The following MAPK10 variants were observed in gnomAD, a reference collection of about 807,000 sequenced individuals.
The protein encoded by MAPK10 is JNK3 alpha protein kinase.
MAPK10 carries 25 observed loss-of-function variants against 59.3 expected under a neutral mutation model. The ratio of observed to expected loss-of-function variants is 0.42; its 90% CI spans 0.31 to 0.59. The LOEUF (loss-of-function observed/expected upper bound fraction) is 0.59. MAPK10 is among the 20% of genes least tolerant of loss of function. The probability of loss-of-function intolerance (pLI) is 0.15; values close to 1 mark genes in which losing one functional copy is unlikely to be tolerated. For synonymous variants in MAPK10, 190 were observed against 200.5 expected, an observed-to-expected ratio of 0.95 and a Z score of 0.44; for missense variants, 351 against 568.9, an observed-to-expected ratio of 0.62 and a Z score of 3.90.
intron 1 of MAPK10, among the ~76,000 whole-genome samples, chr4:86,459,460 T>C (rs1463152296): frequency 2.0e-5 from 3 of 152,212 alleles, no homozygotes; most frequent in African/African-American, 7.2e-5. Flanking sequence ...CACATGTTTA[T>C]AGCAGCACAA....
chr4:86,091,194 A>G (rs2053058332), intron 9 of MAPK10: 1 of 151,774 alleles, frequency 6.6e-6, no homozygotes, highest in South Asian at 2.1e-4. Flanking sequence ...ATTAAATAAT[A>G]TATTAAAATT....
At chr4:86,483,575 G>A (rs1207672270) in intron 1 of MAPK10, among the ~76,000 whole-genome samples, 1 of 151,570 alleles carries the variant, frequency 6.6e-6, no homozygotes, top group Non-Finnish European at 1.5e-5. Flanking sequence ...TTATTAAAAT[G>A]GAATATATAA....
At chr4:86,093,051 G>A (rs1362838346) in intron 9 of MAPK10, among the ~76,000 whole-genome samples, 1 of 151,960 alleles carries the variant, frequency 6.6e-6, no homozygotes, top group Admixed American at 6.6e-5. Flanking sequence ...TCAGAAATTA[G>A]CTTATAATAA....
chr4:86,075,444 T>C (rs374820566), intron 9 of MAPK10, among the ~76,000 whole-genome samples: 5,213 of 151,728 alleles, frequency 0.034, 129 homozygotes, highest in Middle Eastern at 0.083. Context: ...TGAGGAACTG[T>C]GTTCCTTTGG....
chr4:86,558,988 C>T (rs1055852929), intron 1 of MAPK10, among the ~76,000 whole-genome samples: 1 of 152,030 alleles, frequency 6.6e-6, no homozygotes, highest in East Asian at 1.9e-4. Flanking sequence ...CTTGTTCAGG[C>T]TTGTGTTCTT....
chr4:86,435,431 A>C (rs1748593724), intron 1 of MAPK10, among the ~76,000 whole-genome samples: 1 of 151,902 alleles, frequency 6.6e-6, no homozygotes, highest in Non-Finnish European at 1.5e-5. Flanking sequence ...CAGGAGGCAG[A>C]GGTTGCAGTG....
At chr4:86,490,317 T>C (rs1754362240) in intron 1 of MAPK10, among the ~76,000 whole-genome samples, 1 of 152,098 alleles carries the variant, frequency 6.6e-6, no homozygotes, top group Non-Finnish European at 1.5e-5. Flanking sequence ...GAGAAAGAAT[T>C]GAGCAAGCTT....
chr4:86,229,088 G>A (rs1434963245), intron 2 of MAPK10, among the ~76,000 whole-genome samples: 1 of 152,062 alleles, frequency 6.6e-6, no homozygotes, highest in African/African-American at 2.4e-5. Flanking sequence ...GGCAACTAAA[G>A]GTTGCCCAGC....
intron 2 of MAPK10, among the ~76,000 whole-genome samples, chr4:86,227,412 G>A (rs2090821548): frequency 6.6e-6 from 1 of 151,320 alleles, no homozygotes; most frequent in South Asian, 2.1e-4. Flanking sequence ...GCGTGAACCC[G>A]GGAGGTGGAG....
rs564640104 is a variant in MAPK10, at chr4:86,444,550, A to G, written c.-122+8480T>C. ...AAAATCACCAAAAGCAAGTGTAACA[A>G]AAGCAAAAATTGATAAATGGGTTCT... On this transcript the variant is annotated intron_variant, in intron 1 of 13. Coordinates refer to the MAPK10 transcript ENST00000361569. Among the ~76,000 whole-genome samples, 3 of 152,282 alleles carry G rather than the reference A, an allele frequency of 2.0e-5. 1 individual carries two copies. The South Asian group carries it at 6.2e-4, about 32-fold the overall frequency.
intron 1 of MAPK10, among the ~76,000 whole-genome samples, chr4:86,535,306 T>G (rs953853022): frequency 6.6e-6 from 1 of 152,164 alleles, no homozygotes; most frequent in African/African-American, 2.4e-5. Context: ...GCCTGGACAG[T>G]TTTAACAATT....
At chr4:86,330,896 CTTG>C (rs2096137121) in intron 2 of MAPK10, among the ~76,000 whole-genome samples, 2 of 152,088 alleles carry the variant, frequency 1.3e-5, no homozygotes, top group South Asian at 2.1e-4. Flanking sequence ...GTTCAACATA[CTTG>C]TTGGCGTTCT....
At chr4:86,056,177 T>C (rs1030248142) in intron 11 of MAPK10, among the ~76,000 whole-genome samples, 1 of 150,098 alleles carries the variant, frequency 6.7e-6, no homozygotes, top group East Asian at 1.9e-4. Flanking sequence ...ACTTAAATCA[T>C]GTCTTCCAGA....
chr4:86,129,358 T>A (rs993322529), intron 4 of MAPK10, among the ~76,000 whole-genome samples: 11 of 152,130 alleles, frequency 7.2e-5, no homozygotes, highest in Non-Finnish European at 1.5e-4. Context: ...AGTCACAAAA[T>A]TATTTTTGAT....
chr4:86,230,475 C>T (rs550102381), intron 2 of MAPK10, among the ~76,000 whole-genome samples: 2 of 152,290 alleles, frequency 1.3e-5, no homozygotes, highest in African/African-American at 4.8e-5. Context: ...ACTATCTCTT[C>T]TAATTTTACC....
intron 1 of MAPK10, among the ~76,000 whole-genome samples, chr4:86,537,812 G>T (rs1392186626): frequency 2.6e-5 from 4 of 152,038 alleles, no homozygotes; most frequent in Non-Finnish European, 5.9e-5. Context: ...TTGATAAATG[G>T]CCATTATTAA....
intron 11 of MAPK10, among the ~76,000 whole-genome samples, chr4:86,038,587 G>C (rs1400335608): frequency 6.6e-6 from 1 of 151,788 alleles, no homozygotes; most frequent in Non-Finnish European, 1.5e-5. Flanking sequence ...ACTAGGACTT[G>C]TTAAATTTTC....
intron 4 of MAPK10, chr4:86,152,696 C>T (rs1394131828): frequency 1.3e-5 from 2 of 152,176 alleles, no homozygotes; most frequent in African/African-American, 4.8e-5. Context: ...GGCCAACTAC[C>T]TTCCCTCTGA....
intron 1 of MAPK10, among the ~76,000 whole-genome samples, chr4:86,439,714 C>T (rs890337442): frequency 2.0e-5 from 3 of 152,146 alleles, no homozygotes; most frequent in Admixed American, 6.5e-5. Context: ...CTACCAGCAA[C>T]GTGTGAGAGT....
Sources: gnomAD v4.1 joint callset for allele counts (sites outside exome capture counted in the v4.1 genomes callset) on GRCh38, gnomAD v4.1.1 for gene constraint, MANE v1.5 for transcripts, NCBI Gene and HGNC (gene_info 2026-07-23, HGNC 2026-07-21) for gene names.